The following RGS8 variants were observed in gnomAD, a reference collection of about 807,000 sequenced individuals.
RGS8 encodes the protein regulator of G protein signaling 8, also known as regulator of G-protein signaling 8.
A neutral mutation model predicts 21.7 loss-of-function variants in RGS8; 8 were observed. That is an observed-to-expected ratio of 0.37 (90% CI 0.22 to 0.66). RGS8 has a LOEUF of 0.66. Ranked by LOEUF, RGS8 falls within the 30% of genes least tolerant of loss-of-function variation. The pLI, the probability that RGS8 is intolerant of heterozygous loss-of-function variation, is 0.59. For missense variants in RGS8, 157 were observed against 217.9 expected, an observed-to-expected ratio of 0.72 and a Z score of 1.76; for synonymous variants, 80 against 83.6, an observed-to-expected ratio of 0.96 and a Z score of 0.24.
intron 5 of RGS8, among the ~76,000 whole-genome samples, chr1:182,657,116 C>A (rs555055921): frequency 6.7e-6 from 1 of 149,556 alleles, no homozygotes; most frequent in African/African-American, 2.5e-5. Flanking sequence ...ACCTTTCCTG[C>A]TTATGTGACC....
At chr1:182,743,917 CT>C in the RGS8 span, among the ~76,000 whole-genome samples, 1 of 152,148 alleles carries the variant, frequency 6.6e-6, no homozygotes, top group East Asian at 1.9e-4. Flanking sequence ...TCTCTAGTTC[CT>C]TATCCTGCTT....
intron 5 of RGS8, among the ~76,000 whole-genome samples, chr1:182,659,810 G>A (rs1663493866): frequency 4.3e-5 from 4 of 93,496 alleles, no homozygotes; most frequent in South Asian, 4.1e-4. Flanking sequence ...AATACTGCAG[G>A]GACTCACAAA....
chr1:182,732,280 C>A, the RGS8 span, among the ~76,000 whole-genome samples: 1 of 151,002 alleles, frequency 6.6e-6, no homozygotes, highest in African/African-American at 2.4e-5. Context: ...CATACACACA[C>A]ACACACACAC....
At chr1:182,660,178 T>C (rs986777941) in intron 5 of RGS8, among the ~76,000 whole-genome samples, 2 of 152,210 alleles carry the variant, frequency 1.3e-5, no homozygotes, top group African/African-American at 2.4e-5. Flanking sequence ...TTCAGAACCA[T>C]GATCACACTG....
At chr1:182,688,886 G>C (rs967939988), upstream of RGS8, among the ~76,000 whole-genome samples, 44 of 152,144 alleles carry the variant, frequency 2.9e-4, no homozygotes, top group African/African-American at 9.9e-4. Context: ...CGGGGAAACA[G>C]AACCTCCCCT....
At chr1:182,662,475 C>T (rs1241214272) in intron 5 of RGS8, among the ~76,000 whole-genome samples, 4 of 152,166 alleles carry the variant, frequency 2.6e-5, no homozygotes, top group African/African-American at 9.6e-5. Context: ...GATCCTATCC[C>T]GATCATCCAG....
At chr1:182,747,140 T>C in the RGS8 span, among the ~76,000 whole-genome samples, 6 of 140,474 alleles carry the variant, frequency 4.3e-5, no homozygotes, top group African/African-American at 1.6e-4. Flanking sequence ...GCTCAAGCAA[T>C]CTTCCTCCCT....
the RGS8 span, among the ~76,000 whole-genome samples, chr1:182,746,980 T>C: frequency 1.4e-5 from 2 of 147,766 alleles, no homozygotes; most frequent in South Asian, 2.2e-4. Context: ...CATAGCTCAC[T>C]GGATCCTCCT....
chr1:182,688,252 C>A (rs529835980), upstream of RGS8, among the ~76,000 whole-genome samples: 1 of 152,186 alleles, frequency 6.6e-6, no homozygotes, highest in South Asian at 2.1e-4. Flanking sequence ...AAATTGTAAG[C>A]TCTCTGAGAG....
chr1:182,746,043 T>C, the RGS8 span, among the ~76,000 whole-genome samples: 5 of 152,244 alleles, frequency 3.3e-5, no homozygotes, highest in African/African-American at 9.6e-5. Flanking sequence ...GATACCTGTT[T>C]ATTCCTATTT....
chr1:182,747,848 G>GAAAA, the RGS8 span, among the ~76,000 whole-genome samples: 7 of 139,280 alleles, frequency 5.0e-5, no homozygotes, highest in Non-Finnish European at 7.7e-5. Flanking sequence ...CTAAAAATAC[G>GAAAA]AAAAAAAAAA....
chr1:182,741,825 G>A, the RGS8 span, among the ~76,000 whole-genome samples: 2 of 120,116 alleles, frequency 1.7e-5, no homozygotes, highest in Admixed American at 7.9e-5. Context: ...CAGTAGGGGC[G>A]GCCGGGCAGA....
At chr1:182,660,570 G>A (rs530108579) in intron 5 of RGS8, among the ~76,000 whole-genome samples, 4 of 151,090 alleles carry the variant, frequency 2.6e-5, no homozygotes, top group Non-Finnish European at 5.9e-5. Context: ...ATTTACTGTG[G>A]AACCCTCCTC....
At chr1:182,659,513 A>G (rs1218969715) in intron 5 of RGS8, among the ~76,000 whole-genome samples, 6 of 152,234 alleles carry the variant, frequency 3.9e-5, no homozygotes, top group Non-Finnish European at 8.8e-5. Flanking sequence ...GGCCTGACCA[A>G]CATGGTGAAA....
the RGS8 span, among the ~76,000 whole-genome samples, chr1:182,692,108 C>T: frequency 2.1e-3 from 320 of 151,436 alleles, 1 homozygote; most frequent in African/African-American, 6.9e-3. Context: ...TGGGTTCAAG[C>T]GATTCTCCTG....
exon 7 of RGS8, chr1:182,646,431 C>A (rs773282487): frequency 3.2e-6 from 1 of 309,024 alleles, no homozygotes; most frequent in Non-Finnish European, 6.0e-6. Flanking sequence ...CCTAGCACAG[C>A]AAATCTGCCC....
upstream of RGS8, chr1:182,671,969 A>T: frequency 7.5e-7 from 1 of 1,333,964 alleles, no homozygotes; most frequent in Non-Finnish European, 9.7e-7. Context: ...TCCCGGGCAC[A>T]GTCTGCACGC....
downstream of RGS8, chr1:182,645,441 A>G (rs1393761477): frequency 1.3e-5 from 2 of 152,190 alleles, no homozygotes; most frequent in Non-Finnish European, 2.9e-5. Context: ...GGGTGGCTAG[A>G]GTAGGTTCCA....
At chr1:182,736,340 T>C in the RGS8 span, among the ~76,000 whole-genome samples, 34 of 152,360 alleles carry the variant, frequency 2.2e-4, no homozygotes, top group South Asian at 6.4e-3. Flanking sequence ...AAATACTAGT[T>C]AGCTATGAAC....
Sources: allele counts gnomAD v4.1 joint callset (sites outside exome capture counted in the v4.1 genomes callset), GRCh38; gene constraint gnomAD v4.1.1; transcripts MANE v1.5; gene names NCBI Gene and HGNC (gene_info 2026-07-23, HGNC 2026-07-21).